MYO18A: variants seen among roughly 807,000 people sequenced by gnomAD.
The protein encoded by MYO18A is unconventional myosin-XVIIIa.
Under a neutral mutation model 235.8 loss-of-function variants are expected in MYO18A, and 78 were observed. That is an observed-to-expected ratio of 0.33 (90% CI 0.28 to 0.40). The LOEUF (loss-of-function observed/expected upper bound fraction) is 0.40. Ranked by LOEUF, MYO18A falls within the 10% of genes least tolerant of loss-of-function variation. The pLI is 1.00. For missense variants in MYO18A, 2,215 were observed against 2,699.3 expected, an observed-to-expected ratio of 0.82 and a Z score of 3.98; for synonymous variants, 977 against 1,077.8, an observed-to-expected ratio of 0.91 and a Z score of 1.83.
At chr17:29,103,728 C>G in intron 20 of MYO18A, 64 bp from the exon 21 acceptor site, 1 of 1,537,116 alleles carries the variant, frequency 6.5e-7, no homozygotes, top group Non-Finnish European at 9.0e-7. Flanking sequence ...AGGGCTTTCT[C>G]CAGGCCCTTG....
rs1175958618 is a variant in MYO18A, at chr17:29,115,449, G to A, written c.2228-8C>T. 1 of 1,612,266 alleles carries A rather than the reference G, an allele frequency of 6.2e-7. No individual in the cohort carries two copies. Among genetic ancestry groups the A allele is most frequent in the Non-Finnish European group, 8.5e-7 (1 of 1,179,332 alleles). ...GTGCACTCAGTTTCGGGCCTGTGGG[G>A]CAGGGGGAGCAGCGCTATCTCCTTC... On this transcript the variant is annotated splice_polypyrimidine_tract_variant and splice_region_variant and intron_variant, in intron 12 of 41. Coordinates refer to ENST00000527372, the MANE Select transcript of MYO18A (RefSeq NM_078471.4).
intron 2 of MYO18A, among the ~76,000 whole-genome samples, chr17:29,135,475 A>C (rs1376802772): frequency 6.6e-6 from 1 of 152,198 alleles, no homozygotes; most frequent in Non-Finnish European, 1.5e-5. Context: ...GTTTTCAATT[A>C]ATTATTTCTA....
chr17:29,100,743 C>T (rs2066633754), intron 21 of MYO18A, among the ~76,000 whole-genome samples: 1 of 152,208 alleles, frequency 6.6e-6, no homozygotes, highest in African/African-American at 2.4e-5. Flanking sequence ...AAGATGTGAA[C>T]ATCATGGGAA....
Position 29,087,064 on chromosome 17 carries a change from G to A in MYO18A, c.5584C>T (p.Arg1862Cys), listed in dbSNP as rs766447004. Residue 1862 changes from arginine to cysteine, a missense_variant, in exon 38 of 42, where the codon CGC becomes TGC. Physicochemically the swap from Arg to Cys is radical, Grantham distance 180. Transcript: ENST00000527372. ...TTCTCCCGGTTCTCGGCTGCAATGC[G>A]CTGATCCCGCTCCTCAGTCAGCTTC... Reference protein sequence around the residue: ...MEKLTEERDQRIAAENREKEQ... With the variant: ...MEKLTEERDQCIAAENREKEQ... 6 of 1,613,980 alleles carry A rather than the reference G, an allele frequency of 3.7e-6. No homozygotes were observed. Among genetic ancestry groups the A allele is most frequent in the East Asian group, 2.2e-5 (1 of 44,874 alleles).
chr17:29,161,501 C>A (rs1202427824), intron 2 of MYO18A, among the ~76,000 whole-genome samples: 2 of 148,310 alleles, frequency 1.3e-5, no homozygotes, highest in Non-Finnish European at 3.0e-5. Flanking sequence ...CAGCAAGACC[C>A]TGTCTCAAAA....
chr17:29,174,761 G>A (rs1278124903), intron 1 of MYO18A, among the ~76,000 whole-genome samples: 1 of 152,060 alleles, frequency 6.6e-6, no homozygotes, highest in Admixed American at 6.6e-5. Flanking sequence ...GCAGTGAGCC[G>A]AGATCACGCC....
At chr17:29,178,011 G>A (rs1290434709) in intron 1 of MYO18A, among the ~76,000 whole-genome samples, 1 of 152,114 alleles carries the variant, frequency 6.6e-6, no homozygotes, top group Non-Finnish European at 1.5e-5. Flanking sequence ...TTTCACATGA[G>A]CCCCAGTTCT....
intron 2 of MYO18A, chr17:29,165,530 A>C: frequency 5.8e-6 from 1 of 171,490 alleles, no homozygotes; most frequent in East Asian, 1.7e-4. Flanking sequence ...ATTCCGCTGA[A>C]TTCAGTTAGG....
chr17:29,169,328 G>A (rs1159375106), intron 1 of MYO18A, among the ~76,000 whole-genome samples: 1 of 152,140 alleles, frequency 6.6e-6, no homozygotes, highest in Non-Finnish European at 1.5e-5. Flanking sequence ...GGGATTACAG[G>A]CGTGAGCCAC....
At chr17:29,145,574 G>T (rs1351382528) in intron 2 of MYO18A, among the ~76,000 whole-genome samples, 1 of 152,220 alleles carries the variant, frequency 6.6e-6, no homozygotes, top group Non-Finnish European at 1.5e-5. Context: ...CACAGACTGA[G>T]CTTCCTGAGG....
At position 29,099,693 on chromosome 17, in the gene MYO18A, T is replaced by C; in HGVS notation, c.3577A>G (p.Thr1193Ala). The C allele has an allele frequency of 6.2e-7, 1 of 1,613,452 alleles. No homozygotes were observed. The highest frequency in any genetic ancestry group is 8.5e-7 in the Non-Finnish European group (1 of 1,179,814). The change falls in exon 22 of 42, where the codon ACC (threonine) becomes GCC (alanine). Residue 1193 changes from threonine (T) to alanine (A), a missense_variant. Physicochemically the swap from Thr to Ala is moderately conservative, Grantham distance 58. Coordinates refer to ENST00000527372, the MANE Select transcript of MYO18A (RefSeq NM_078471.4). Reference protein sequence around the residue: ...QRDEQTSRNLTLFQAACRGYL... With the variant: ...QRDEQTSRNLALFQAACRGYL... ...CCCCTGCAGGCTGCTTGGAACAGGG[T>C]TAGGTTCCTGCTGGTTTGTTCATCC...
intron 37 of MYO18A, among the ~76,000 whole-genome samples, chr17:29,089,241 G>A (rs2066334161): frequency 6.6e-6 from 1 of 151,046 alleles, no homozygotes; most frequent in Non-Finnish European, 1.5e-5. Flanking sequence ...GACCATCCTG[G>A]CCAACATGGT....
chr17:29,115,038 G>A lies in MYO18A; in HGVS notation c.2380C>T (p.Gln794Ter). 1 of 1,613,974 alleles carries A rather than the reference G, an allele frequency of 6.2e-7. No homozygotes were observed. The highest frequency in any genetic ancestry group is 8.5e-7 in the Non-Finnish European group (1 of 1,179,870). Residue 794 changes from glutamine (Q) to a stop codon, truncating the protein, a stop_gained, in exon 14 of 42, where the codon CAG becomes TAG. Coordinates refer to ENST00000527372, the MANE Select transcript of MYO18A (RefSeq NM_078471.4). LOFTEE classifies it high-confidence loss of function. ...SMMIVDTPGF[Q>*]NPEQGGSARG... ...GCTGACCCACCCTGCTCAGGGTTCT[G>A]GAAGCCCGGGGTGTCGACAATCATC... is the stretch of plus-strand genomic sequence containing the variant.
Position 29,074,697 on chromosome 17 carries a change from C to T in MYO18A, c.*73G>A. On this transcript the variant is annotated 3_prime_UTR_variant, in exon 42 of 42. Transcript: ENST00000527372. The surrounding 1 kb of genome is among the most constrained non-coding windows in gnomAD (Gnocchi z 4.4). ...AGTCGGGTGGGGGAGACCGGTGCCCCACCACTTCCTGGGAGAGGTGCCCAG... is the reference window on the plus strand; with the variant it reads ...AGTCGGGTGGGGGAGACCGGTGCCCTACCACTTCCTGGGAGAGGTGCCCAG... 2.6e-6 allele frequency: 4 copies of T among 1,553,980 alleles called. No homozygotes were observed. The Admixed American group carries it at 6.7e-5, about 26-fold the overall frequency.
At position 29,165,962 on chromosome 17, in the gene MYO18A, G is replaced by A. The variant is rs756565810; in HGVS notation, c.979C>T (p.Pro327Ser). Residue 327 changes from proline to serine, a missense_variant, in exon 2 of 42, where the codon CCT (proline) becomes TCT (serine). By Grantham distance (74) the Pro-to-Ser change is moderately conservative. Coordinates refer to ENST00000527372, the MANE Select transcript of MYO18A (RefSeq NM_078471.4). ...SRSWLRSGEGPRREPSDAKTE... is the reference protein window; with the variant it reads ...SRSWLRSGEGSRREPSDAKTE... The stretch of plus-strand genomic sequence containing the variant: ...CTCACATCGGATGGCTCCCTGCGAG[G>A]TCCCTCGCCGCTCCGCAGCCAGCTC... 108 of 1,612,922 alleles carry A rather than the reference G, an allele frequency of 6.7e-5. No homozygotes were observed. Among genetic ancestry groups the A allele is most frequent in the Non-Finnish European group, 9.0e-5 (106 of 1,179,696 alleles).
At position 29,125,765 on chromosome 17, in the gene MYO18A, G is replaced by A. The variant is rs1310170239; in HGVS notation, c.1000-3512C>T. ...ATTTCTTTAAGAGAGAGCCCAACAT[G>A]AGGGCCCACAGGCCGCCATGGAGCC... On this transcript the variant is annotated intron_variant, in intron 2 of 41. Coordinates refer to ENST00000527372, the MANE Select transcript of MYO18A (RefSeq NM_078471.4). This position sits in a 1 kb window ranked among gnomAD's most constrained non-coding sequence, Gnocchi z 5.1. 4 of 260,316 alleles carry A rather than the reference G, an allele frequency of 1.5e-5. No homozygotes were observed. The highest frequency in any genetic ancestry group is 4.6e-5 in the African/African-American group (2 of 43,664). 16.1% of individuals were successfully genotyped at this position (260,316 alleles called of 1,614,324 possible). A position where few individuals can be genotyped will look rare whatever the true frequency, so the allele number is the denominator to read the frequency against.
At position 29,092,906 on chromosome 17, in the gene MYO18A, G is replaced by A. The variant is rs774330355; in HGVS notation, c.5022C>T (p.His1674=). 6 of 1,613,960 alleles carry A rather than the reference G, an allele frequency of 3.7e-6. No individual in the cohort carries two copies. The highest frequency in any genetic ancestry group is 1.7e-4 in the Middle Eastern group (1 of 6,040). Reference sequence around the variant, plus strand: ...GCTTGCTGGGAGCACTGTTCTTCAGGTGGTCCAGCATGAGCTGGGCATCTG... The same window carrying A: ...GCTTGCTGGGAGCACTGTTCTTCAGATGGTCCAGCATGAGCTGGGCATCTG... ...LLADAQLMLD[H]LKNSAPSKRE... The change falls in exon 33 of 42, where the codon CAC becomes CAT. Residue 1674 remains histidine, a synonymous_variant. Transcript: ENST00000527372.
chr17:29,089,837 G>A (rs966300605), intron 37 of MYO18A, 124 bp downstream of exon 37: 10 of 1,285,366 alleles, frequency 7.8e-6, no homozygotes, highest in African/African-American at 1.5e-5. Context: ...CAGCTGGCCT[G>A]GCAGTGAGGC....
chr17:29,091,019 T>C (rs1461132728), intron 34 of MYO18A, 93 bp from the exon 35 acceptor site: 5 of 1,022,912 alleles, frequency 4.9e-6, no homozygotes, highest in Non-Finnish European at 7.4e-6. Context: ...GTAGAGAAGA[T>C]GATAATGGGC....
Sources: gnomAD v4.1 joint callset for allele counts (sites outside exome capture counted in the v4.1 genomes callset) on GRCh38, gnomAD v4.1.1 for gene constraint, Gnocchi (gnomAD v3.1) non-coding constraint, MANE v1.5 for transcripts, NCBI Gene and HGNC (gene_info 2026-07-23, HGNC 2026-07-21) for gene names.